Variants in SLC38A6 observed in about 807,000 individuals in gnomAD.
SLC38A6 encodes the protein solute carrier family 38 member 6.
In SLC38A6, 73 loss-of-function variants were observed where a neutral mutation model predicts 65.0. The ratio of observed to expected loss-of-function variants is 1.12; its 90% CI spans 0.93 to 1.37. SLC38A6 has a LOEUF of 1.37. Among genes scored for constraint, SLC38A6 ranks in the 40% most tolerant of loss-of-function variants. The pLI, the probability that SLC38A6 is intolerant of heterozygous loss-of-function variation, is 0.00. For missense variants in SLC38A6, 561 were observed against 531.1 expected (o/e 1.06, Z -0.55); for synonymous variants, 183 against 178.8 (o/e 1.02, Z -0.19).
downstream of SLC38A6, among the ~76,000 whole-genome samples, chr14:61,053,859 G>A (rs1366309104): frequency 6.6e-6 from 1 of 152,040 alleles, no homozygotes; most frequent in Non-Finnish European, 1.5e-5. Context: ...TTGCTGTGCA[G>A]AAGCTCTTAA....
chr14:60,984,842 G>A (rs1240993191), intron 3 of SLC38A6, 39 bp downstream of exon 3: 1 of 1,569,322 alleles, frequency 6.4e-7, no homozygotes. Flanking sequence ...TAATAAAGGA[G>A]TCTCTTGAGT....
At chr14:61,082,495 C>T in intron 16 of SLC38A6, among the ~76,000 whole-genome samples, 1 of 152,176 alleles carries the variant, frequency 6.6e-6, no homozygotes, top group East Asian at 1.9e-4. Context: ...AGTACTCACT[C>T]CCAGAACCCT....
chr14:61,013,203 CA>C (rs1197855866), intron 3 of SLC38A6, among the ~76,000 whole-genome samples: 2 of 152,140 alleles, frequency 1.3e-5, no homozygotes, highest in Non-Finnish European at 2.9e-5. Context: ...ACTAGGATTG[CA>C]ACCCCTGCCT....
chr14:61,000,425 C>T (rs1227478120), intron 3 of SLC38A6, among the ~76,000 whole-genome samples: 2 of 152,208 alleles, frequency 1.3e-5, no homozygotes, highest in African/African-American at 4.8e-5. Flanking sequence ...GTCAGGAGTT[C>T]GTGACCAGTA....
intron 3 of SLC38A6, chr14:60,987,146 T>A (rs2037508873): frequency 9.1e-6 from 3 of 328,524 alleles, no homozygotes; most frequent in South Asian, 7.3e-5. Flanking sequence ...CTTTGTAAAA[T>A]TCTCTGTGGA....
chr14:61,007,620 T>C (rs912590875), intron 3 of SLC38A6, among the ~76,000 whole-genome samples: 2 of 152,142 alleles, frequency 1.3e-5, no homozygotes, highest in Non-Finnish European at 2.9e-5. Flanking sequence ...CTAGCTTGGG[T>C]TACAGAGTAA....
At chr14:61,023,513 C>T (rs1237565884) in intron 5 of SLC38A6, among the ~76,000 whole-genome samples, 1 of 149,996 alleles carries the variant, frequency 6.7e-6, no homozygotes, top group African/African-American at 2.5e-5. Context: ...ACGGAGGTTG[C>T]AGTAAGCCAA....
intron 5 of SLC38A6, among the ~76,000 whole-genome samples, chr14:61,028,794 T>C (rs901294669): frequency 2.6e-5 from 4 of 152,182 alleles, no homozygotes; most frequent in African/African-American, 9.6e-5. Context: ...TACTTTGACA[T>C]AAATACATGT....
downstream of SLC38A6, among the ~76,000 whole-genome samples, chr14:61,054,070 A>G (rs1031303543): frequency 1.3e-5 from 2 of 152,072 alleles, no homozygotes; most frequent in African/African-American, 4.8e-5. Context: ...AGGAAAGGGT[A>G]CAGCTTCAAT....
At chr14:61,034,323 T>C (rs946471542) in intron 6 of SLC38A6, 3 of 152,194 alleles carry the variant, frequency 2.0e-5, no homozygotes, top group Non-Finnish European at 4.4e-5. Flanking sequence ...ACATTTTTTT[T>C]TCTTTTAAAG....
intron 5 of SLC38A6, among the ~76,000 whole-genome samples, chr14:61,024,043 A>G (rs951313852): frequency 6.6e-6 from 1 of 152,176 alleles, no homozygotes; most frequent in Non-Finnish European, 1.5e-5. Context: ...TTGACCAGGA[A>G]GAGAAAGCCC....
At chr14:61,062,450 G>C (rs913430592) in intron 15 of SLC38A6, among the ~76,000 whole-genome samples, 1 of 148,620 alleles carries the variant, frequency 6.7e-6, no homozygotes, top group East Asian at 2.0e-4. Flanking sequence ...TTTGCCATCT[G>C]TTTATTTTCT....
intron 15 of SLC38A6, among the ~76,000 whole-genome samples, chr14:61,071,731 A>ACATAGGAATAC (rs1342479212): frequency 1.7e-4 from 26 of 152,014 alleles, no homozygotes; most frequent in Admixed American, 5.2e-4. Flanking sequence ...TATTCACAAC[A>ACATAGGAATAC]ACTATGTAGG....
At chr14:61,012,786 A>G (rs113493794) in intron 3 of SLC38A6, among the ~76,000 whole-genome samples, 141,965 of 152,206 alleles carry the variant, frequency 0.93, 66,595 homozygotes, top group Non-Finnish European at 0.99. Context: ...CATTTGCTGA[A>G]GAGTGCTTTA....
intron 3 of SLC38A6, among the ~76,000 whole-genome samples, chr14:61,000,824 A>T (rs569677700): frequency 6.6e-6 from 1 of 152,286 alleles, no homozygotes; most frequent in African/African-American, 2.4e-5. Flanking sequence ...TCCATTCAGC[A>T]CTATGAGGTA....
Position 60,981,321 on chromosome 14 carries a change from A to G in SLC38A6, c.44A>G (p.Tyr15Cys), listed in dbSNP as rs1488002969. The G allele has an allele frequency of 2.5e-6, 4 of 1,610,972 alleles. No homozygotes were observed. The highest frequency in any genetic ancestry group is 3.4e-6 in the Non-Finnish European group (4 of 1,178,784). Residue 15 changes from tyrosine (Y) to cysteine (C), a missense_variant, in exon 1 of 16, where the codon TAT becomes TGT. Coordinates refer to ENST00000267488, the MANE Select transcript of SLC38A6 (RefSeq NM_153811.3). Reference sequence around the variant, plus strand: ...AGCTTCAACGCTGAGCGGGGCTGGTATGTCTCTGTCCAGCAGCCTGAAGAA... The same window carrying G: ...AGCTTCAACGCTGAGCGGGGCTGGTGTGTCTCTGTCCAGCAGCCTGAAGAA... ...WGSFNAERGW[Y>C]VSVQQPEEAE...
chr14:61,014,103 A>G (rs958088469), intron 3 of SLC38A6, among the ~76,000 whole-genome samples: 2 of 151,980 alleles, frequency 1.3e-5, no homozygotes, highest in Non-Finnish European at 2.9e-5. Context: ...TTTTTTCTCT[A>G]AACTTCTCTT....
rs138754827 is a variant in SLC38A6, at chr14:61,013,499, G to A, written c.311-2405G>A. On this transcript the variant is annotated intron_variant, in intron 3 of 15. Coordinates refer to ENST00000267488, the MANE Select transcript of SLC38A6 (RefSeq NM_153811.3). ...TAGCCTTGATGGTCTTCACAATTTG[G>A]CATGTTTTTGCAGTGACTGGTACTG... Among the ~76,000 whole-genome samples, 776 of 152,208 alleles carry A rather than the reference G, an allele frequency of 5.1e-3. 12 individuals are homozygous for A. Among genetic ancestry groups the A allele is most frequent in the African/African-American group, 0.018 (727 of 41,526 alleles).
chr14:61,003,329 A>G lies in SLC38A6; in HGVS notation c.311-12575A>G, dbSNP rs548162851. Among the ~76,000 whole-genome samples, 7 of 152,204 alleles carry G rather than the reference A, an allele frequency of 4.6e-5. No homozygotes were observed. The South Asian group carries it at 1.4e-3, about 32-fold the overall frequency. ...ATGGGCATTTAAATATTTTAAATAT[A>G]GTTTTAAATGGCTACATATTATTCT... On this transcript the variant is annotated intron_variant, in intron 3 of 15. Coordinates refer to ENST00000267488, the MANE Select transcript of SLC38A6 (RefSeq NM_153811.3).
Sources: allele counts gnomAD v4.1 joint callset (sites outside exome capture counted in the v4.1 genomes callset), GRCh38; gene constraint gnomAD v4.1.1; transcripts MANE v1.5; gene names NCBI Gene and HGNC (gene_info 2026-07-23, HGNC 2026-07-21).